The following NLRP2 variants were observed in gnomAD, a reference collection of about 807,000 sequenced individuals.
NLRP2 encodes the protein NACHT, LRR and PYD domains-containing protein 2.
A neutral mutation model predicts 97.2 loss-of-function variants in NLRP2; 107 were observed. The ratio of observed to expected loss-of-function variants is 1.10; its 90% CI spans 0.94 to 1.29. The LOEUF is 1.29. Among genes scored for constraint, NLRP2 ranks in the 50% most tolerant of loss-of-function variants. The pLI is 0.00. For synonymous variants in NLRP2, 663 were observed against 551.5 expected (o/e 1.20, Z -2.83); for missense variants, 1,495 against 1,330.3 (o/e 1.12, Z -1.93).
At chr19:54,982,132 C>G in intron 5 of NLRP2, 30 bp from the exon 6 acceptor site, 2 of 1,613,506 alleles carry the variant, frequency 1.2e-6, no homozygotes, top group Non-Finnish European at 1.7e-6. Flanking sequence ...ATTGCATCCT[C>G]TCTCCCTTCC....
intron 12 of NLRP2, among the ~76,000 whole-genome samples, chr19:55,000,326 G>T (rs998618032): frequency 3.4e-5 from 4 of 116,246 alleles, no homozygotes; most frequent in South Asian, 6.0e-4. Context: ...GCCCAGGCTG[G>T]AGTACAGTGG....
intron 7 of NLRP2, among the ~76,000 whole-genome samples, chr19:54,985,697 A>G (rs994039307): frequency 7.0e-5 from 10 of 143,874 alleles, no homozygotes; most frequent in Admixed American, 4.7e-4. Context: ...AAAAAAAAAA[A>G]AGAAAAAGAA....
chr19:54,970,600 G>A (rs921623416), intron 2 of NLRP2, among the ~76,000 whole-genome samples: 1 of 151,844 alleles, frequency 6.6e-6, no homozygotes, highest in African/African-American at 2.4e-5. Flanking sequence ...GGGTTGCTAT[G>A]AGCCGAGATC....
chr19:54,974,898 C>T (rs2071098392), intron 3 of NLRP2, among the ~76,000 whole-genome samples: 1 of 151,988 alleles, frequency 6.6e-6, no homozygotes, highest in South Asian at 2.1e-4. Context: ...CTCCTGGGTT[C>T]AAGCAGTTCT....
Position 54,982,687 on chromosome 19 carries a change from C to T in NLRP2, c.989C>T (p.Ala330Val). Residue 330 changes from alanine (A) to valine (V), a missense_variant, in exon 6 of 13, where the codon GCC (alanine) becomes GTC (valine). Transcript: ENST00000448584. ...CTGAACAGGGTGATGTTACCCAAGGCCGCCCTGCTGGTCACCACGCGGCCC... is the reference window on the plus strand; with the variant it reads ...CTGAACAGGGTGATGTTACCCAAGGTCGCCCTGCTGGTCACCACGCGGCCC... ...SLLNRVMLPK[A>V]ALLVTTRPRA... is the part of the protein sequence containing the mutation. 1 of 1,614,094 alleles carries T rather than the reference C, an allele frequency of 6.2e-7. No individual in the cohort carries two copies. Among genetic ancestry groups the T allele is most frequent in the African/African-American group, 1.3e-5 (1 of 75,060 alleles).
At chr19:54,985,538 C>T (rs2071999961) in intron 7 of NLRP2, among the ~76,000 whole-genome samples, 4 of 151,192 alleles carry the variant, frequency 2.6e-5, no homozygotes, top group Middle Eastern at 3.4e-3. Flanking sequence ...ATTATCCAGG[C>T]GTGGTGGCAG....
chr19:54,983,219 G>A lies in NLRP2; in HGVS notation c.1521G>A (p.Gln507=), dbSNP rs142785605. Residue 507 remains glutamine, a synonymous_variant, in exon 6 of 13, where the codon CAG becomes CAA. Transcript: ENST00000448584. ...ACTCCTTCATCCACCTCAGCTTCCA[G>A]CAGTTTCTCACTGCCCTGTTCTACA... ...GCYSFIHLSF[Q]QFLTALFYTL... is the part of the protein sequence containing the mutation. 1.0e-4 allele frequency: 167 copies of A among 1,613,866 alleles called. No homozygotes were observed. The African/African-American group carries it at 2.0e-3, about 19-fold the overall frequency.
chr19:54,983,774 C>G, intron 6 of NLRP2, 46 bp downstream of exon 6: 1 of 1,600,314 alleles, frequency 6.2e-7, no homozygotes, highest in Non-Finnish European at 8.5e-7. Flanking sequence ...TTAGCCTCAT[C>G]CCATGCCCCC....
chr19:54,972,653 C>A (rs187053551), intron 2 of NLRP2, among the ~76,000 whole-genome samples: 67 of 152,056 alleles, frequency 4.4e-4, no homozygotes, highest in African/African-American at 1.6e-3. Flanking sequence ...GATAGGGTTT[C>A]ACCATGTTGC....
chr19:54,981,575 A>C (rs1439158341), intron 4 of NLRP2, 42 bp from the exon 5 acceptor site: 1 of 1,141,934 alleles, frequency 8.8e-7, no homozygotes, highest in African/African-American at 1.6e-5. Flanking sequence ...CAGGAAATAC[A>C]CCTGATTTTG....
intron 3 of NLRP2, among the ~76,000 whole-genome samples, chr19:54,976,509 G>T (rs576025498): frequency 6.6e-6 from 1 of 151,516 alleles, no homozygotes; most frequent in African/African-American, 2.4e-5. Context: ...ACCACGTCTG[G>T]CTAATTTTTG....
chr19:54,975,949 A>G (rs998082281), intron 3 of NLRP2, among the ~76,000 whole-genome samples: 9 of 149,448 alleles, frequency 6.0e-5, no homozygotes, highest in Non-Finnish European at 8.9e-5. Flanking sequence ...CAGTTTCACT[A>G]TGTTGCCAGA....
At chr19:54,966,982 T>C (rs887874757) in intron 1 of NLRP2, among the ~76,000 whole-genome samples, 3 of 151,700 alleles carry the variant, frequency 2.0e-5, no homozygotes, top group Non-Finnish European at 4.4e-5. Context: ...GCTGGGACCG[T>C]GGGAGGGTGC....
intron 8 of NLRP2, among the ~76,000 whole-genome samples, chr19:54,987,625 C>G (rs1340169421): frequency 1.3e-5 from 2 of 151,890 alleles, no homozygotes; most frequent in African/African-American, 4.8e-5. Context: ...GCCTGTAGTC[C>G]CAGCTACTCA....
intron 12 of NLRP2, among the ~76,000 whole-genome samples, chr19:54,998,269 C>T (rs938177553): frequency 6.6e-6 from 1 of 151,934 alleles, no homozygotes; most frequent in Non-Finnish European, 1.5e-5. Context: ...TTGCCCACCT[C>T]AGCATCCCAA....
At chr19:54,989,147 G>A (rs562441370) in intron 8 of NLRP2, among the ~76,000 whole-genome samples, 3 of 151,924 alleles carry the variant, frequency 2.0e-5, no homozygotes, top group Non-Finnish European at 2.9e-5. Context: ...TAGTAGAGCC[G>A]GGGTTTCACC....
intron 8 of NLRP2, among the ~76,000 whole-genome samples, chr19:54,987,027 GGT>G (rs2072139824): frequency 6.6e-6 from 1 of 151,712 alleles, no homozygotes; most frequent in Non-Finnish European, 1.5e-5. Context: ...TGGGATTACA[GGT>G]GCACACCACC....
At position 54,983,697 on chromosome 19, in the gene NLRP2, ACTGCGTCTGAAT is replaced by A. The variant is rs758780448; in HGVS notation, c.2001_2012del (p.Ala668_Ser671del). ...AAAGGAGAATCTCCCGGAGAATGTC[ACTGCGTCTGAAT>A]CAGACGCCGAGGTTGAGAGGTGAGA... On this transcript the variant is annotated inframe_deletion, in exon 6 of 13. Coordinates refer to ENST00000448584, the MANE Select transcript of NLRP2 (RefSeq NM_017852.5). 1.0e-4 allele frequency: 167 copies of A among 1,613,286 alleles called. No homozygotes were observed. In the African/African-American group the frequency reaches 1.8e-3, roughly 18 times the overall value.
chr19:54,993,339 G>A (rs994326824), intron 10 of NLRP2: 14 of 151,868 alleles, frequency 9.2e-5, no homozygotes, highest in African/African-American at 3.4e-4. Context: ...TCCAGGTCCT[G>A]TGTCCCTCAG....
Sources: gnomAD v4.1 joint callset for allele counts (sites outside exome capture counted in the v4.1 genomes callset) on GRCh38, gnomAD v4.1.1 for gene constraint, MANE v1.5 for transcripts, NCBI Gene and HGNC (gene_info 2026-07-23, HGNC 2026-07-21) for gene names.